The following NEMP2 variants were observed in gnomAD, a reference collection of about 807,000 sequenced individuals.
NEMP2 encodes nuclear envelope integral membrane protein 2.
Under a neutral mutation model 54.2 loss-of-function variants are expected in NEMP2, and 53 were observed. The observed-to-expected ratio is 0.98, with a 90% CI of 0.78 to 1.23. The LOEUF (loss-of-function observed/expected upper bound fraction) is 1.23, where lower values mean the gene tolerates loss of function less well. Ranked by LOEUF, NEMP2 falls within the 50% of genes most tolerant of loss-of-function variation. The pLI is 0.00. For missense variants in NEMP2, 455 were observed against 511.3 expected, an observed-to-expected ratio of 0.89 and a Z score of 1.06; for synonymous variants, 197 against 190.3, an observed-to-expected ratio of 1.04 and a Z score of -0.29.
the NEMP2 span, among the ~76,000 whole-genome samples, chr2:190,440,606 T>C: frequency 6.6e-4 from 101 of 152,336 alleles, no homozygotes; most frequent in Non-Finnish European, 1.1e-3. Flanking sequence ...TGTAAATTTG[T>C]AAATCATTAC....
the NEMP2 span, among the ~76,000 whole-genome samples, chr2:190,593,175 G>A: frequency 2.0e-4 from 30 of 152,250 alleles, no homozygotes; most frequent in African/African-American, 6.3e-4. This position sits in a 1 kb window ranked among gnomAD's most constrained non-coding sequence, Gnocchi z 4.5. Flanking sequence ...TAAAACTCCC[G>A]ATCAGCCGCA....
the NEMP2 span, among the ~76,000 whole-genome samples, chr2:190,466,397 C>T: frequency 1.3e-5 from 2 of 152,180 alleles, no homozygotes; most frequent in African/African-American, 2.4e-5. Flanking sequence ...TTCATAGATC[C>T]AAATGCTGTC....
the NEMP2 span, among the ~76,000 whole-genome samples, chr2:190,621,303 G>A: frequency 6.6e-6 from 1 of 152,198 alleles, no homozygotes; most frequent in Non-Finnish European, 1.5e-5. Flanking sequence ...TGTACAGCAT[G>A]TTACTGCATT....
At chr2:190,636,010 C>G in the NEMP2 span, among the ~76,000 whole-genome samples, 1 of 152,198 alleles carries the variant, frequency 6.6e-6, no homozygotes, top group Non-Finnish European at 1.5e-5. Context: ...GAACCACAGG[C>G]GTGTGCCATC....
At chr2:190,605,350 A>T in the NEMP2 span, among the ~76,000 whole-genome samples, 271 of 149,838 alleles carry the variant, frequency 1.8e-3, 1 homozygote, top group African/African-American at 6.4e-3. Context: ...TCTTTTTTTA[A>T]TTTTTTTAAT....
the NEMP2 span, among the ~76,000 whole-genome samples, chr2:190,568,260 A>G: frequency 6.6e-6 from 1 of 152,218 alleles, no homozygotes; most frequent in Non-Finnish European, 1.5e-5. The surrounding 1 kb of genome is among the most constrained non-coding windows in gnomAD (Gnocchi z 4.7). Flanking sequence ...AGATTAATAC[A>G]GGACACACAG....
the NEMP2 span, among the ~76,000 whole-genome samples, chr2:190,597,392 T>C: frequency 6.6e-6 from 1 of 151,960 alleles, no homozygotes; most frequent in African/African-American, 2.4e-5. The surrounding 1 kb of genome is among the most constrained non-coding windows in gnomAD (Gnocchi z 4.7). Flanking sequence ...ATAAATATAG[T>C]TTTTGTACTT....
chr2:190,635,962 C>T, the NEMP2 span, among the ~76,000 whole-genome samples: 4 of 152,208 alleles, frequency 2.6e-5, no homozygotes, highest in African/African-American at 9.6e-5. The surrounding 1 kb of genome is among the most constrained non-coding windows in gnomAD (Gnocchi z 4.1). Flanking sequence ...GGACTCCAGG[C>T]TTAAGCAATC....
At chr2:190,638,786 G>C in the NEMP2 span, among the ~76,000 whole-genome samples, 4 of 152,220 alleles carry the variant, frequency 2.6e-5, no homozygotes, top group African/African-American at 9.6e-5. This position sits in a 1 kb window ranked among gnomAD's most constrained non-coding sequence, Gnocchi z 5.7. Context: ...AATGAAGAAA[G>C]AACTGCAGTC....
chr2:190,510,060 A>C lies in NEMP2; in HGVS notation c.1130+301T>G, dbSNP rs537855491. On this transcript the variant is annotated intron_variant, in intron 8 of 8. Transcript: ENST00000409150. The surrounding 1 kb of genome is among the most constrained non-coding windows in gnomAD (Gnocchi z 5.7). ...CATCTAAAACAAAACAAAACAAAAA[A>C]GATTTTCCCCACCAATAGGGTGAGA... Among the ~76,000 whole-genome samples, 3 of 152,324 alleles carry C rather than the reference A, an allele frequency of 2.0e-5. No individual in the cohort carries two copies. Among genetic ancestry groups the C allele is most frequent in the Admixed American group, 6.5e-5 (1 of 15,310 alleles).
chr2:190,617,943 C>A, the NEMP2 span, among the ~76,000 whole-genome samples: 1 of 152,102 alleles, frequency 6.6e-6, no homozygotes, highest in Non-Finnish European at 1.5e-5. This position sits in a 1 kb window ranked among gnomAD's most constrained non-coding sequence, Gnocchi z 5.0. Context: ...ATTTTTCAGG[C>A]TTTTACTATG....
the NEMP2 span, among the ~76,000 whole-genome samples, chr2:190,467,050 G>A: frequency 1.3e-5 from 2 of 152,226 alleles, no homozygotes; most frequent in South Asian, 4.1e-4. This position sits in a 1 kb window ranked among gnomAD's most constrained non-coding sequence, Gnocchi z 5.5. Context: ...TGATTCAGAG[G>A]TGGGCTCAAA....
At chr2:190,486,611 C>T in the NEMP2 span, among the ~76,000 whole-genome samples, 51 of 152,318 alleles carry the variant, frequency 3.3e-4, 1 homozygote, top group South Asian at 0.01. Context: ...ACCACTGTCT[C>T]ATATGTTTTG....
the NEMP2 span, among the ~76,000 whole-genome samples, chr2:190,622,934 A>T: frequency 6.6e-6 from 1 of 152,174 alleles, no homozygotes; most frequent in African/African-American, 2.4e-5. Flanking sequence ...GATTTAGAAA[A>T]ATCTAAAGAT....
At chr2:190,648,524 T>TTG in the NEMP2 span, 566 of 148,104 alleles carry the variant, frequency 3.8e-3, 9 homozygotes, top group East Asian at 0.044. Flanking sequence ...TTGTTTTTTT[T>TTG]TTTTTTTTTT....
chr2:190,601,836 TA>T, the NEMP2 span, among the ~76,000 whole-genome samples: 1 of 151,856 alleles, frequency 6.6e-6, no homozygotes, highest in Non-Finnish European at 1.5e-5. The surrounding 1 kb of genome is among the most constrained non-coding windows in gnomAD (Gnocchi z 5.8). Flanking sequence ...GCAGTAGAAA[TA>T]AAAAAAATCA....
rs1691212778 is a variant in NEMP2, at chr2:190,533,149, C to G, written c.97+1410G>C. ...CATCTTCATTTTACTCAAGAGAAAACTACGGTCCATAAAGACTCTGTGCCT... is the reference window on the plus strand; with the variant it reads ...CATCTTCATTTTACTCAAGAGAAAAGTACGGTCCATAAAGACTCTGTGCCT... On this transcript the variant is annotated intron_variant, in intron 1 of 8. Transcript: ENST00000409150. The surrounding 1 kb of genome is among the most constrained non-coding windows in gnomAD (Gnocchi z 4.3). Among the ~76,000 whole-genome samples, 1 of 152,156 alleles carries G rather than the reference C, an allele frequency of 6.6e-6. No homozygotes were observed. Among genetic ancestry groups the G allele is most frequent in the African/African-American group, 2.4e-5 (1 of 41,434 alleles).
At chr2:190,592,499 A>T in the NEMP2 span, among the ~76,000 whole-genome samples, 3 of 152,332 alleles carry the variant, frequency 2.0e-5, no homozygotes, top group South Asian at 2.1e-4. This position sits in a 1 kb window ranked among gnomAD's most constrained non-coding sequence, Gnocchi z 4.4. Context: ...ACAGGAAATA[A>T]AGAAACTAAG....
At chr2:190,643,023 G>GTTTTTTTTTTTT in the NEMP2 span, among the ~76,000 whole-genome samples, 1 of 79,566 alleles carries the variant, frequency 1.3e-5, no homozygotes, top group Non-Finnish European at 2.3e-5. Flanking sequence ...AATGGTTAAG[G>GTTTTTTTTTTTT]TTTTTTTTTT....
Sources: gnomAD v4.1 joint callset for allele counts (sites outside exome capture counted in the v4.1 genomes callset) on GRCh38, gnomAD v4.1.1 for gene constraint, Gnocchi (gnomAD v3.1) non-coding constraint, MANE v1.5 for transcripts, NCBI Gene and HGNC (gene_info 2026-07-23, HGNC 2026-07-21) for gene names.